FGF10: variants seen among roughly 807,000 people sequenced by gnomAD.
FGF10 encodes the protein FGF-10.
FGF10 carries 2 observed loss-of-function variants against 19.8 expected under a neutral mutation model. That is an observed-to-expected ratio of 0.10 (90% CI 0.04 to 0.32). The LOEUF (loss-of-function observed/expected upper bound fraction) is 0.32. FGF10 is among the 10% of genes least tolerant of loss of function. The pLI is 1.00. For synonymous variants in FGF10, 112 were observed against 94.0 expected, an observed-to-expected ratio of 1.19 and a Z score of -1.10; for missense variants, 191 against 246.3, an observed-to-expected ratio of 0.78 and a Z score of 1.50.
rs962257229 is a variant in FGF10 at position 44,353,493 on chromosome 5, T to C, written c.325+34865A>G. 3.6e-4 allele frequency among the ~76,000 whole-genome samples: 55 copies of C among 151,738 alleles called. 2 individuals are homozygous for C. The highest frequency in any genetic ancestry group is 7.2e-5 in the African/African-American group (3 of 41,508). On this transcript the variant is annotated intron_variant, in intron 1 of 2. Transcript: ENST00000264664. The stretch of plus-strand genomic sequence containing the variant: ...TCTCATTTTCTCACTTCATTAGTTT[T>C]GTTTTGTGTTTGTATTTTTAAATTG...
At chr5:44,359,399 A>G (rs977371008) in intron 1 of FGF10, among the ~76,000 whole-genome samples, 2 of 151,518 alleles carry the variant, frequency 1.3e-5, no homozygotes, top group African/African-American at 2.4e-5. Flanking sequence ...GACATTTGTC[A>G]TTGCATAGCA....
chr5:44,377,372 T>C (rs986378402), intron 1 of FGF10, among the ~76,000 whole-genome samples: 10 of 152,208 alleles, frequency 6.6e-5, no homozygotes, highest in East Asian at 5.8e-4. Flanking sequence ...GTCACAGTAA[T>C]AGGATGAGAA....
chr5:44,382,476 C>A (rs1290194095), intron 1 of FGF10, among the ~76,000 whole-genome samples: 1 of 152,156 alleles, frequency 6.6e-6, no homozygotes, highest in Non-Finnish European at 1.5e-5. Context: ...TTCCAAGATG[C>A]AGGTATATTT....
In FGF10 at chr5:44,354,052, G is replaced by T. The variant is rs533479010; in HGVS notation, c.325+34306C>A. On this transcript the variant is annotated intron_variant, in intron 1 of 2. Coordinates refer to ENST00000264664, the MANE Select transcript of FGF10 (RefSeq NM_004465.2). ...ATAATAAGCTATAACTCTCTCTGGA[G>T]TTCTTAGTTTAGGTGAATTAAAATA... 9.9e-5 allele frequency among the ~76,000 whole-genome samples: 15 copies of T among 151,364 alleles called. No homozygotes were observed. The South Asian group carries it at 3.1e-3, about 31-fold the overall frequency.
In FGF10 at chr5:44,302,282, G is replaced by GCTTCCTTCCTTCCTTCCTTC. The variant is rs56194673; in HGVS notation, c.*2693_*2712dup. On this transcript the variant is annotated 3_prime_UTR_variant, in exon 3 of 3. Transcript: ENST00000264664. ...TCTTTCCTTCCTTCCTTCTTTCCTT[G>GCTTCCTTCCTTCCTTCCTTC]CTTCCTTCCTTCCTTCCTTCCTTCC... Among the ~76,000 whole-genome samples the GCTTCCTTCCTTCCTTCCTTC allele has an allele frequency of 4.9e-5, 6 of 122,106 alleles. No homozygotes were observed. The highest frequency in any genetic ancestry group is 2.6e-4 in the East Asian group (1 of 3,798). 80.1% of individuals were successfully genotyped at this position (122,106 alleles called of 152,430 possible). A position where few individuals can be genotyped will look rare whatever the true frequency, so the allele number is the denominator to read the frequency against.
At chr5:44,351,241 A>G (rs1233126246) in intron 1 of FGF10, among the ~76,000 whole-genome samples, 1 of 151,584 alleles carries the variant, frequency 6.6e-6, no homozygotes, top group Non-Finnish European at 1.5e-5. Context: ...TAAACACATG[A>G]CAGTATGTGT....
intron 1 of FGF10, among the ~76,000 whole-genome samples, chr5:44,315,986 C>A (rs898447826): frequency 2.0e-5 from 3 of 152,102 alleles, no homozygotes; most frequent in African/African-American, 7.2e-5. Context: ...GGCCACACAG[C>A]GGGAGGCAAG....
chr5:44,342,339 G>C (rs1740988366), intron 1 of FGF10, among the ~76,000 whole-genome samples: 1 of 151,802 alleles, frequency 6.6e-6, no homozygotes, highest in African/African-American at 2.4e-5. Flanking sequence ...CATTGTGTTA[G>C]GCACATTCTG....
chr5:44,373,070 T>G (rs1177907228), intron 1 of FGF10, among the ~76,000 whole-genome samples: 1 of 152,212 alleles, frequency 6.6e-6, no homozygotes, highest in East Asian at 1.9e-4. Context: ...TTGCTCTGTC[T>G]TTGTCTATTT....
intron 1 of FGF10, among the ~76,000 whole-genome samples, chr5:44,383,829 C>A (rs1439761813): frequency 6.6e-6 from 1 of 151,994 alleles, no homozygotes; most frequent in Non-Finnish European, 1.5e-5. Context: ...AAATAAGATA[C>A]CAGTGGAAGC....
At chr5:44,359,377 A>G (rs924356910) in intron 1 of FGF10, among the ~76,000 whole-genome samples, 1 of 151,512 alleles carries the variant, frequency 6.6e-6, no homozygotes, top group African/African-American at 2.4e-5. Flanking sequence ...TCAATTCTTA[A>G]TTACTCTTCC....
In FGF10 at chr5:44,320,999, A is replaced by G. The variant is rs973674348; in HGVS notation, c.326-10469T>C. Among the ~76,000 whole-genome samples the G allele has an allele frequency of 5.9e-5, 9 of 151,802 alleles. 1 individual carries two copies. The highest frequency in any genetic ancestry group is 1.9e-4 in the African/African-American group (8 of 41,162). On this transcript the variant is annotated intron_variant, in intron 1 of 2. Transcript: ENST00000264664. The stretch of plus-strand genomic sequence containing the variant: ...GTGCCAGTCCATTTTGAAGTTTTTC[A>G]AAAGAAAAAAAAAAAGATGAACATG...
chr5:44,387,566 G>A (rs1418837872), intron 1 of FGF10, among the ~76,000 whole-genome samples: 2 of 152,114 alleles, frequency 1.3e-5, no homozygotes, highest in Non-Finnish European at 2.9e-5. Context: ...TGCAATATGA[G>A]AGGTTTCAGA....
rs1428438422 is a variant in FGF10, at chr5:44,302,049, C to T, written c.*2946G>A. Among the ~76,000 whole-genome samples, 3 of 151,342 alleles carry T rather than the reference C, an allele frequency of 2.0e-5. No individual in the cohort carries two copies. The highest frequency in any genetic ancestry group is 6.6e-5 in the Admixed American group (1 of 15,186). On this transcript the variant is annotated 3_prime_UTR_variant, in exon 3 of 3. Coordinates refer to ENST00000264664, the MANE Select transcript of FGF10 (RefSeq NM_004465.2). The stretch of plus-strand genomic sequence containing the variant: ...TTGTGGGCCTGGGACCATACTCCTA[C>T]AGAGGCAGATCTCTCAATAGCTCCA...
chr5:44,352,301 CAATGCA>C (rs1406786888), intron 1 of FGF10, among the ~76,000 whole-genome samples: 1 of 151,610 alleles, frequency 6.6e-6, no homozygotes, highest in Non-Finnish European at 1.5e-5. Context: ...TGCTTGTACA[CAATGCA>C]AAAGCTGCCA....
At chr5:44,315,590 A>G (rs1255391109) in intron 1 of FGF10, among the ~76,000 whole-genome samples, 3 of 152,124 alleles carry the variant, frequency 2.0e-5, no homozygotes, top group Non-Finnish European at 4.4e-5. Context: ...AGTCACATCT[A>G]TTTTTCTCTA....
In FGF10 at chr5:44,300,495, C is replaced by T. The variant is rs1431292058; in HGVS notation, c.*4500G>A. Among the ~76,000 whole-genome samples, 1 of 152,030 alleles carries T rather than the reference C, an allele frequency of 6.6e-6. No homozygotes were observed. On this transcript the variant is annotated 3_prime_UTR_variant, in exon 3 of 3. Coordinates refer to ENST00000264664, the MANE Select transcript of FGF10 (RefSeq NM_004465.2). ...AGTGAGCCTAGCTATATCCAGGGCCCTACTCTTGGCTTAAAACAAAACAAT... is the reference window on the plus strand; with the variant it reads ...AGTGAGCCTAGCTATATCCAGGGCCTTACTCTTGGCTTAAAACAAAACAAT...
At chr5:44,388,048 G>A (rs6891282) in intron 1 of FGF10, among the ~76,000 whole-genome samples, 28,048 of 151,612 alleles carry the variant, frequency 0.18, 2,733 homozygotes, top group Admixed American at 0.25. Flanking sequence ...AGAGAAAGGG[G>A]CATCTTTGCA....
At chr5:44,378,937 G>A (rs1741928742) in intron 1 of FGF10, among the ~76,000 whole-genome samples, 2 of 152,124 alleles carry the variant, frequency 1.3e-5, no homozygotes, top group Admixed American at 1.3e-4. Context: ...GCACCATTAA[G>A]CTGTGTGTGT....
Sources: allele counts gnomAD v4.1 joint callset (sites outside exome capture counted in the v4.1 genomes callset), GRCh38; gene constraint gnomAD v4.1.1; transcripts MANE v1.5; gene names NCBI Gene and HGNC (gene_info 2026-07-23, HGNC 2026-07-21).